The following CD53 variants were observed in gnomAD, a reference collection of about 807,000 sequenced individuals.
CD53 encodes the protein CD53 molecule.
Under a neutral mutation model 27.3 loss-of-function variants are expected in CD53, and 20 were observed. That is an observed-to-expected ratio of 0.73 (90% CI 0.52 to 1.07). The LOEUF is 1.07. Among genes scored for constraint, CD53 ranks in the 50% least tolerant of loss-of-function variants. CD53 has a pLI of 0.00. For synonymous variants in CD53, 106 were observed against 105.3 expected, an observed-to-expected ratio of 1.01 and a Z score of -0.04; for missense variants, 216 against 264.0, an observed-to-expected ratio of 0.82 and a Z score of 1.26.
intron 3 of CD53, 101 bp from the exon 4 acceptor site, chr1:110,894,226 A>G (rs1449909244): frequency 2.1e-6 from 2 of 936,486 alleles, no homozygotes; most frequent in African/African-American, 3.3e-5. Flanking sequence ...GAACAGGAAC[A>G]CCCTGTACTC....
At chr1:110,887,111 T>G (rs1371402497) in intron 1 of CD53, among the ~76,000 whole-genome samples, 1 of 151,608 alleles carries the variant, frequency 6.6e-6, no homozygotes, top group East Asian at 1.9e-4. Context: ...TCACCCAGGC[T>G]GTAGTGCAGT....
In CD53 at chr1:110,878,878, C is replaced by T. The variant is rs72988740; in HGVS notation, c.-18+5630C>T. ...CATACAAAGGTGTTTTTCTATTAAA[C>T]GCTTTTCTTCACTGAAAGGAAGTCT... On this transcript the variant is annotated intron_variant, in intron 1 of 7. Coordinates refer to ENST00000271324, the MANE Select transcript of CD53 (RefSeq NM_000560.4). Among the ~76,000 whole-genome samples the T allele has an allele frequency of 4.6e-3, 696 of 152,232 alleles. 4 individuals are homozygous for T. The highest frequency in any genetic ancestry group is 0.016 in the African/African-American group (663 of 41,550).
At chr1:110,872,668 G>A (rs1257068117), upstream of CD53, among the ~76,000 whole-genome samples, 6 of 152,316 alleles carry the variant, frequency 3.9e-5, no homozygotes, top group South Asian at 1.2e-3. Context: ...GCTGAAGCCA[G>A]ACAGAGGGAG....
At chr1:110,892,750 G>T in intron 3 of CD53, 1 of 487,844 alleles carries the variant, frequency 2.0e-6, no homozygotes, top group East Asian at 3.3e-5. Flanking sequence ...CCCCCTTGTA[G>T]CCATTTTTAT....
At chr1:110,873,050 A>T (rs950192875), upstream of CD53, 2 of 152,576 alleles carry the variant, frequency 1.3e-5, no homozygotes, top group Non-Finnish European at 2.9e-5. Flanking sequence ...TCTGAGACTA[A>T]AGAGGGCGGA....
intron 3 of CD53, among the ~76,000 whole-genome samples, chr1:110,893,506 GA>G (rs1656937705): frequency 6.6e-6 from 1 of 152,152 alleles, no homozygotes; most frequent in Non-Finnish European, 1.5e-5. Context: ...ATTTTTAGTA[GA>G]GACAGGGTTT....
At chr1:110,897,617 C>A (rs1360851834) in intron 6 of CD53, 192 bp from the exon 7 acceptor site, 3 of 475,950 alleles carry the variant, frequency 6.3e-6, no homozygotes, top group African/African-American at 5.9e-5. Flanking sequence ...ATAACACCAC[C>A]AGAAAAGTCT....
chr1:110,871,758 T>C (rs1313080815), upstream of CD53, among the ~76,000 whole-genome samples: 1 of 151,370 alleles, frequency 6.6e-6, no homozygotes, highest in African/African-American at 2.4e-5. Flanking sequence ...GCAGAGACTT[T>C]TTAATAGCAT....
intron 1 of CD53, among the ~76,000 whole-genome samples, chr1:110,877,924 T>A (rs1201727748): frequency 6.6e-6 from 1 of 152,186 alleles, no homozygotes; most frequent in Non-Finnish European, 1.5e-5. Context: ...AACGAGCTGA[T>A]GAAAAATGGA....
chr1:110,879,870 A>G (rs1178302404), intron 1 of CD53, among the ~76,000 whole-genome samples: 1 of 152,188 alleles, frequency 6.6e-6, no homozygotes, highest in Non-Finnish European at 1.5e-5. Flanking sequence ...GGCGAGCCTG[A>G]TCGAGGTTCT....
At chr1:110,872,195 T>C (rs930827316), upstream of CD53, among the ~76,000 whole-genome samples, 2 of 152,216 alleles carry the variant, frequency 1.3e-5, no homozygotes, top group Non-Finnish European at 2.9e-5. Flanking sequence ...TTTGACCCAA[T>C]CTAAGAAAAT....
intron 1 of CD53, among the ~76,000 whole-genome samples, chr1:110,886,308 T>C (rs1314962058): frequency 2.0e-5 from 3 of 152,202 alleles, no homozygotes; most frequent in South Asian, 4.1e-4. Context: ...GTTCCTTGAG[T>C]ACTTTGATTA....
At position 110,896,722 on chromosome 1, in the gene CD53, C is replaced by T. The variant is rs190729207; in HGVS notation, c.493C>T (p.Arg165Ter). The T allele has an allele frequency of 4.3e-6, 7 of 1,612,464 alleles. No homozygotes were observed. Among genetic ancestry groups the T allele is most frequent in the Admixed American group, 1.7e-5 (1 of 59,666 alleles). The change falls in exon 6 of 8, where the codon CGA becomes TGA. Residue 165 changes from arginine (R) to a stop codon, truncating the protein, a stop_gained. Coordinates refer to ENST00000271324, the MANE Select transcript of CD53 (RefSeq NM_000560.4). LOFTEE classifies it high-confidence loss of function. ...SGPPASCPSDRKVEGCYAKAR... is the reference protein window; with the variant it reads ...SGPPASCPSD ...CCCACCAGCATCTTGCCCCTCAGAT[C>T]GAAAAGTGGAGGTAATTTTGTCGGC...
chr1:110,874,205 C>T (rs1389088374), intron 1 of CD53, among the ~76,000 whole-genome samples: 3 of 152,162 alleles, frequency 2.0e-5, no homozygotes, highest in African/African-American at 7.2e-5. Context: ...GGATTGGGAA[C>T]AGGGCAGAGG....
upstream of CD53, among the ~76,000 whole-genome samples, chr1:110,872,141 G>C (rs2101031991): frequency 6.6e-6 from 1 of 152,286 alleles, no homozygotes; most frequent in East Asian, 1.9e-4. Flanking sequence ...TTGCTTCCAA[G>C]TTTCATAGTT....
chr1:110,894,548 T>TA (rs1310545131), intron 4 of CD53, 147 bp downstream of exon 4: 1 of 611,734 alleles, frequency 1.6e-6, no homozygotes, highest in Non-Finnish European at 2.9e-6. Context: ...TAATTGTAAT[T>TA]GGGGGGAAAA....
chr1:110,887,814 A>C (rs765394268), intron 1 of CD53, among the ~76,000 whole-genome samples: 4 of 152,212 alleles, frequency 2.6e-5, no homozygotes, highest in African/African-American at 7.2e-5. Flanking sequence ...TGCAGGTGCT[A>C]ATCAGGACTC....
intron 4 of CD53, 125 bp downstream of exon 4, chr1:110,894,526 G>A: frequency 1.3e-6 from 1 of 754,920 alleles, no homozygotes; most frequent in South Asian, 1.6e-5. Context: ...GAAGGATAGA[G>A]GAAACAGAGA....
At chr1:110,898,143 T>G (rs1347963900) in intron 7 of CD53, among the ~76,000 whole-genome samples, 1 of 152,074 alleles carries the variant, frequency 6.6e-6, no homozygotes, top group African/African-American at 2.4e-5. Context: ...TTTGGGAGGC[T>G]GAGGCAGGCA....
Sources: allele counts gnomAD v4.1 joint callset (sites outside exome capture counted in the v4.1 genomes callset), GRCh38; gene constraint gnomAD v4.1.1; transcripts MANE v1.5; gene names NCBI Gene and HGNC (gene_info 2026-07-23, HGNC 2026-07-21).